Variants in UNKL observed in about 807,000 individuals in gnomAD.
UNKL encodes putative E3 ubiquitin-protein ligase UNKL.
UNKL carries 60 observed loss-of-function variants against 78.0 expected under a neutral mutation model. The observed-to-expected ratio is 0.77, with a 90% CI of 0.63 to 0.95. UNKL has a LOEUF of 0.95. UNKL is among the 40% of genes least tolerant of loss of function. The probability of loss-of-function intolerance (pLI) is 0.00; values close to 1 mark genes in which losing one functional copy is unlikely to be tolerated. For missense variants in UNKL, 1,159 were observed against 1,045.7 expected, an observed-to-expected ratio of 1.11 and a Z score of -1.49; for synonymous variants, 608 against 474.8, an observed-to-expected ratio of 1.28 and a Z score of -3.65.
chr16:1,394,325 C>T, intron 6 of UNKL, 110 bp from the exon 7 acceptor site: 3 of 1,337,274 alleles, frequency 2.2e-6, no homozygotes, highest in Non-Finnish European at 3.1e-6. Flanking sequence ...CGTAACAAGA[C>T]ACCCCTGAAA....
chr16:1,397,214 A>G lies in UNKL; in HGVS notation c.816T>C (p.Tyr272=), dbSNP rs559659886. The change falls in exon 6 of 15, where the codon TAT becomes TAC. Residue 272 remains tyrosine, a synonymous_variant. Coordinates refer to ENST00000389221, the MANE Select transcript of UNKL (RefSeq NM_001372107.1). ...ACTGCTGCTCCGTGCGGGAGTGGCA[A>G]TACTGGCAGCCGTCGCCGCCATCGC... The part of the protein sequence containing the change: ...SRCDGGDGCQ[Y]CHSRTEQQFH... 2.9e-5 allele frequency: 45 copies of G among 1,546,700 alleles called. No individual in the cohort carries two copies. In the Admixed American group the frequency reaches 4.7e-4, roughly 16 times the overall value.
At position 1,385,294 on chromosome 16, in the gene UNKL, C is replaced by G. The variant is rs2142091270; in HGVS notation, c.1178G>C (p.Gly393Ala). 1 of 1,375,172 alleles carries G rather than the reference C, an allele frequency of 7.3e-7. No individual in the cohort carries two copies. Among genetic ancestry groups the G allele is most frequent in the Non-Finnish European group, 9.3e-7 (1 of 1,069,694 alleles). 85.2% of individuals were successfully genotyped at this position (1,375,172 alleles called of 1,614,324 possible). A position where few individuals can be genotyped will look rare whatever the true frequency, so the allele number is the denominator to read the frequency against. ...GGGCAGCGCAGTGGGGGAGGAGCTG[C>G]CGGAGCCGGCGCTGGACGCCAGGCT... ...ASSLASSAGS[G>A]SSSPTALPAP... The change falls in exon 10 of 15, where the codon GGC becomes GCC. Residue 393 changes from glycine to alanine, a missense_variant. By Grantham distance (60) the Gly-to-Ala change is moderately conservative (BLOSUM62 0). Transcript: ENST00000389221.
At chr16:1,378,534 G>A (rs996396129) in intron 10 of UNKL, among the ~76,000 whole-genome samples, 6 of 152,164 alleles carry the variant, frequency 3.9e-5, no homozygotes, top group African/African-American at 9.7e-5. Context: ...GTGCTAAGTC[G>A]GCAGAAGCTT....
chr16:1,375,720 C>T (rs1378076204), intron 10 of UNKL, among the ~76,000 whole-genome samples: 6 of 152,188 alleles, frequency 3.9e-5, no homozygotes, highest in East Asian at 1.9e-4. Flanking sequence ...CAGTAGCATC[C>T]GAAAATGCCT....
In UNKL at chr16:1,363,264, A is replaced by G. The variant is rs2034977508; in HGVS notation, c.*2976T>C. 1 of 670,952 alleles carries G rather than the reference A, an allele frequency of 1.5e-6. No individual in the cohort carries two copies. Among genetic ancestry groups the G allele is most frequent in the African/African-American group, 1.8e-5 (1 of 55,894 alleles). The allele number at this position is 670,952 out of a possible 1,614,324, so 41.6% of individuals were successfully genotyped here. ...TAAAAATAACTCCATGAATTCTGTA[A>G]ACCATTGCATAAATGCTATAGTGTA... On this transcript the variant is annotated 3_prime_UTR_variant, in exon 15 of 15. Transcript: ENST00000389221.
chr16:1,399,293 C>A lies in UNKL; in HGVS notation c.734+81G>T. 9.7e-6 allele frequency: 14 copies of A among 1,445,390 alleles called. No individual in the cohort carries two copies. Among genetic ancestry groups the A allele is most frequent in the Non-Finnish European group, 1.3e-5 (14 of 1,100,380 alleles). The allele number at this position is 1,445,390 out of a possible 1,614,324, so 89.5% of individuals were successfully genotyped here. A position where few individuals can be genotyped will look rare whatever the true frequency, so the allele number is the denominator to read the frequency against. On this transcript the variant is annotated intron_variant, in intron 5 of 14. Transcript: ENST00000389221. The surrounding 1 kb of genome is among the most constrained non-coding windows in gnomAD (Gnocchi z 5.8). ...ACAAGGGCAGCCCTCCCATTAGAAC[C>A]CCGGGGTGGGCAACGCGAGCCACGG...
intron 2 of UNKL, chr16:1,406,003 T>TC: frequency 2.2e-6 from 1 of 456,646 alleles, no homozygotes; most frequent in Non-Finnish European, 4.4e-6. Context: ...GCCCATGTGG[T>TC]CCCCCCAGCT....
At chr16:1,409,073 T>G (rs2037915879) in intron 2 of UNKL, among the ~76,000 whole-genome samples, 1 of 152,072 alleles carries the variant, frequency 6.6e-6, no homozygotes, top group Admixed American at 6.5e-5. Flanking sequence ...CCCGCCACCA[T>G]GCCCAGCTAA....
chr16:1,395,466 T>G (rs1003844115), intron 6 of UNKL, among the ~76,000 whole-genome samples: 3 of 152,144 alleles, frequency 2.0e-5, no homozygotes, highest in Non-Finnish European at 4.4e-5. Flanking sequence ...GTGCCTGGCC[T>G]GTTTGTTTTT....
In UNKL at chr16:1,402,434, G is replaced by A. The variant is rs138029449; in HGVS notation, c.465-733C>T. ...TCCCAGAATTTCAGGAGGCCGAGGC[G>A]GGCAGATCATGAGGTCAGGAGATGG... is the stretch of plus-strand genomic sequence containing the variant. On this transcript the variant is annotated intron_variant, in intron 3 of 14. Coordinates refer to ENST00000389221, the MANE Select transcript of UNKL (RefSeq NM_001372107.1). Among the ~76,000 whole-genome samples the A allele has an allele frequency of 9.1e-3, 1,388 of 152,194 alleles. 25 individuals are homozygous for A. The highest frequency in any genetic ancestry group is 0.031 in the African/African-American group (1,283 of 41,512).
chr16:1,401,744 C>A, intron 3 of UNKL, 43 bp from the exon 4 acceptor site: 1 of 1,572,070 alleles, frequency 6.4e-7, no homozygotes, highest in African/African-American at 1.3e-5. Context: ...GCATCTGGAG[C>A]CTCCAAAGCT....
chr16:1,402,759 T>A (rs9935632), intron 3 of UNKL, among the ~76,000 whole-genome samples: 133,841 of 151,936 alleles, frequency 0.88, 59,064 homozygotes, highest in East Asian at 1. Flanking sequence ...CCAACGTGGG[T>A]GGATCACAAG....
intron 3 of UNKL, among the ~76,000 whole-genome samples, chr16:1,401,956 G>A (rs1414971668): frequency 6.6e-6 from 1 of 152,220 alleles, no homozygotes; most frequent in African/African-American, 2.4e-5. Context: ...GGAGTGCAGT[G>A]ACGCAATCAC....
intron 13 of UNKL, 64 bp from the exon 14 acceptor site, chr16:1,367,413 C>G: frequency 6.7e-7 from 1 of 1,485,786 alleles, no homozygotes; most frequent in Non-Finnish European, 8.9e-7. Context: ...ACCCTCTTGC[C>G]TGTGTCACCA....
intron 10 of UNKL, among the ~76,000 whole-genome samples, chr16:1,382,840 C>T (rs1369013824): frequency 6.6e-6 from 1 of 152,006 alleles, no homozygotes; most frequent in East Asian, 1.9e-4. Context: ...CGCCTATAGT[C>T]CCAGCTACTC....
In UNKL at chr16:1,366,280, G is replaced by A. The variant is rs1363784790; in HGVS notation, c.2162C>T (p.Pro721Leu). The part of the protein sequence containing the change: ...ILCEPCAATA[P>L]ECPYCKGQPL... ...CTGGCCCTTGCAGTAGGGGCACTCA[G>A]GTGCGGTGGCCGCACACGGCTCACA... The change falls in exon 15 of 15, where the codon CCT becomes CTT. Residue 721 changes from proline (P) to leucine (L), a missense_variant. By Grantham distance (98) the Pro-to-Leu change is moderately conservative. Coordinates refer to ENST00000389221, the MANE Select transcript of UNKL (RefSeq NM_001372107.1). 3 of 1,593,680 alleles carry A rather than the reference G, an allele frequency of 1.9e-6. No homozygotes were observed. Among genetic ancestry groups the A allele is most frequent in the African/African-American group, 1.3e-5 (1 of 74,596 alleles).
intron 10 of UNKL, among the ~76,000 whole-genome samples, chr16:1,379,990 C>T (rs2036536385): frequency 6.6e-6 from 1 of 152,224 alleles, no homozygotes; most frequent in South Asian, 2.1e-4. Flanking sequence ...CCAACAGGGG[C>T]GCTCGCGGGG....
chr16:1,391,160 TACAC>T (rs59407356), intron 8 of UNKL, among the ~76,000 whole-genome samples: 43,850 of 144,452 alleles, frequency 0.3, 6,709 homozygotes, highest in Middle Eastern at 0.48. Context: ...CAAAAAAAAA[TACAC>T]ACACACACAC....
chr16:1,383,795 AGT>A, intron 10 of UNKL: 1 of 443,654 alleles, frequency 2.3e-6, no homozygotes, highest in Non-Finnish European at 4.6e-6. Context: ...AAGTCCCCAG[AGT>A]GTGTCCAGGC....
Sources: gnomAD v4.1 joint callset for allele counts (sites outside exome capture counted in the v4.1 genomes callset) on GRCh38, gnomAD v4.1.1 for gene constraint, Gnocchi (gnomAD v3.1) non-coding constraint, MANE v1.5 for transcripts, NCBI Gene and HGNC (gene_info 2026-07-23, HGNC 2026-07-21) for gene names.